The following RHOJ variants were observed in gnomAD, a reference collection of about 807,000 sequenced individuals.
The protein encoded by RHOJ is ras homolog family member J.
RHOJ carries 11 observed loss-of-function variants against 23.4 expected under a neutral mutation model. That is an observed-to-expected ratio of 0.47 (90% CI 0.30 to 0.78). The LOEUF (loss-of-function observed/expected upper bound fraction) is 0.78, where lower values mean the gene tolerates loss of function less well. Ranked by LOEUF, RHOJ falls within the 30% of genes least tolerant of loss-of-function variation. RHOJ has a pLI of 0.08. For missense variants in RHOJ, 254 were observed against 273.4 expected (o/e 0.93, Z 0.50); for synonymous variants, 102 against 102.7 (o/e 0.99, Z 0.04).
Position 63,281,066 on chromosome 14 carries a change from C to T in RHOJ, c.333C>T (p.Val111=). The T allele has an allele frequency of 6.2e-7, 1 of 1,614,098 alleles. No individual in the cohort carries two copies. The highest frequency in any genetic ancestry group is 1.3e-5 in the African/African-American group (1 of 75,028). Residue 111 remains valine, a synonymous_variant, in exon 3 of 5, where the codon GTC becomes GTT. Coordinates refer to ENST00000316754, the MANE Select transcript of RHOJ (RefSeq NM_020663.5). ...SVVNPASYHN[V]QEEWVPELKD... ...TAAACCCTGCCTCTTACCACAATGT[C>T]CAGGAGGAATGGGTCCCCGAGCTCA... is the stretch of plus-strand genomic sequence containing the variant.
chr14:63,253,478 G>A (rs1167955134), intron 1 of RHOJ, among the ~76,000 whole-genome samples: 1 of 151,642 alleles, frequency 6.6e-6, no homozygotes, highest in African/African-American at 2.4e-5. Flanking sequence ...TGATCCTCCT[G>A]CCTTGGCCTC....
chr14:63,290,128 A>G (rs1177326377), intron 4 of RHOJ, among the ~76,000 whole-genome samples: 1 of 152,176 alleles, frequency 6.6e-6, no homozygotes, highest in Non-Finnish European at 1.5e-5. Flanking sequence ...CTGTAATCCC[A>G]GCTACTTGAG....
intron 1 of RHOJ, among the ~76,000 whole-genome samples, chr14:63,230,138 T>C (rs1894664256): frequency 6.6e-6 from 1 of 151,772 alleles, no homozygotes; most frequent in South Asian, 2.1e-4. Flanking sequence ...AAGGTATGTG[T>C]ATGGACAATC....
At chr14:63,279,621 A>G (rs901571125) in intron 2 of RHOJ, among the ~76,000 whole-genome samples, 2 of 152,264 alleles carry the variant, frequency 1.3e-5, no homozygotes, top group African/African-American at 4.8e-5. Flanking sequence ...TAGCAAATAC[A>G]TAAATATCTT....
intron 1 of RHOJ, among the ~76,000 whole-genome samples, chr14:63,212,919 G>A (rs1279336242): frequency 6.6e-6 from 1 of 152,150 alleles, no homozygotes; most frequent in East Asian, 1.9e-4. Flanking sequence ...ACAAACAATA[G>A]TTTTACAAAA....
intron 1 of RHOJ, among the ~76,000 whole-genome samples, chr14:63,262,285 G>A (rs970644204): frequency 2.6e-5 from 4 of 152,138 alleles, no homozygotes; most frequent in South Asian, 2.1e-4. Context: ...GGAAGTAGAC[G>A]TAAGTTCTAC....
chr14:63,235,722 T>A (rs1358316185), intron 1 of RHOJ, among the ~76,000 whole-genome samples: 3 of 152,214 alleles, frequency 2.0e-5, no homozygotes, highest in East Asian at 3.8e-4. Context: ...TCCCTTCTGC[T>A]GCAACACACA....
chr14:63,255,843 T>C (rs936506270), intron 1 of RHOJ, among the ~76,000 whole-genome samples: 2 of 151,266 alleles, frequency 1.3e-5, no homozygotes, highest in Non-Finnish European at 2.9e-5. Context: ...CAAATCATTA[T>C]GGCACCTTTA....
chr14:63,235,635 G>A (rs1488095881), intron 1 of RHOJ, among the ~76,000 whole-genome samples: 1 of 152,084 alleles, frequency 6.6e-6, no homozygotes, highest in Non-Finnish European at 1.5e-5. Flanking sequence ...CAACTTTTTG[G>A]TATGTTTCAA....
At chr14:63,221,186 C>G (rs1237634584) in intron 1 of RHOJ, among the ~76,000 whole-genome samples, 1 of 151,980 alleles carries the variant, frequency 6.6e-6, no homozygotes, top group Non-Finnish European at 1.5e-5. Flanking sequence ...TTAAATGAAC[C>G]GGATGTGGTG....
Position 63,291,339 on chromosome 14 carries a change from AC to A in RHOJ, c.*316del, listed in dbSNP as rs1483915025. 5.4e-6 allele frequency: 2 copies of A among 370,456 alleles called. No homozygotes were observed. The highest frequency in any genetic ancestry group is 1.0e-5 in the Non-Finnish European group (2 of 195,722). The allele number at this position is 370,456 out of a possible 1,614,324, so 22.9% of individuals were successfully genotyped here. On this transcript the variant is annotated 3_prime_UTR_variant, in exon 5 of 5. Transcript: ENST00000316754. ...CATTTTACAAATCCCCAGCTCATGA[AC>A]GTGAAGCTGATAGGAAATCACCCCA... is the stretch of plus-strand genomic sequence containing the variant.
rs76224228 is a variant in RHOJ, at chr14:63,230,928, C to T, written c.178+25881C>T. Among the ~76,000 whole-genome samples the T allele has an allele frequency of 1.1e-4, 16 of 149,608 alleles. 1 individual carries two copies. The East Asian group carries it at 3.2e-3, about 30-fold the overall frequency. Reference sequence around the variant, plus strand: ...TGATCTCAGCTCACTGCAACCTCCGCCTCCTGGGTTCAAGCAACTGTGTGA... The same window carrying T: ...TGATCTCAGCTCACTGCAACCTCCGTCTCCTGGGTTCAAGCAACTGTGTGA... On this transcript the variant is annotated intron_variant, in intron 1 of 4. Coordinates refer to ENST00000316754, the MANE Select transcript of RHOJ (RefSeq NM_020663.5).
intron 2 of RHOJ, among the ~76,000 whole-genome samples, chr14:63,279,292 C>A (rs1299384189): frequency 2.0e-5 from 3 of 152,174 alleles, no homozygotes; most frequent in Admixed American, 2.0e-4. Context: ...ATATAGTATA[C>A]ACACATATAT....
intron 1 of RHOJ, among the ~76,000 whole-genome samples, chr14:63,242,612 G>C (rs897206767): frequency 6.6e-6 from 1 of 152,138 alleles, no homozygotes; most frequent in Non-Finnish European, 1.5e-5. Flanking sequence ...TTGATGTGCA[G>C]GAAGACACAT....
chr14:63,284,446 G>A (rs981578511), intron 4 of RHOJ: 56 of 721,682 alleles, frequency 7.8e-5, no homozygotes, highest in Non-Finnish European at 8.3e-5. Context: ...AGCAGATAGC[G>A]TTGGTCTCAG....
intron 1 of RHOJ, among the ~76,000 whole-genome samples, chr14:63,217,199 C>T (rs542734281): frequency 1.2e-4 from 18 of 151,042 alleles, no homozygotes; most frequent in East Asian, 9.8e-4. Flanking sequence ...AACTCGTCAT[C>T]TAGCATTAGG....
In RHOJ at chr14:63,209,694, T is replaced by A. The variant is rs1894190885; in HGVS notation, c.178+4647T>A. Among the ~76,000 whole-genome samples the A allele has an allele frequency of 2.0e-5, 3 of 152,342 alleles. No individual in the cohort carries two copies. In the South Asian group the frequency reaches 6.2e-4, roughly 32 times the overall value. The stretch of plus-strand genomic sequence containing the variant: ...TATAGACACTCAACAGACTCTCAAC[T>A]CAGATTATTCTCAACTGAATAAATG... On this transcript the variant is annotated intron_variant, in intron 1 of 4. Transcript: ENST00000316754.
intron 1 of RHOJ, among the ~76,000 whole-genome samples, chr14:63,219,969 C>G (rs1894453157): frequency 6.6e-6 from 1 of 152,082 alleles, no homozygotes; most frequent in Non-Finnish European, 1.5e-5. Flanking sequence ...CACCGTAGTA[C>G]TATTTAAATT....
chr14:63,243,861 G>A (rs1316986380), intron 1 of RHOJ, among the ~76,000 whole-genome samples: 1 of 152,078 alleles, frequency 6.6e-6, no homozygotes, highest in Non-Finnish European at 1.5e-5. Flanking sequence ...TGGGCTATGA[G>A]AGGTCATACA....
Sources: allele counts gnomAD v4.1 joint callset (sites outside exome capture counted in the v4.1 genomes callset), GRCh38; gene constraint gnomAD v4.1.1; transcripts MANE v1.5; gene names NCBI Gene and HGNC (gene_info 2026-07-23, HGNC 2026-07-21).